Variants in RNF150 observed in about 807,000 individuals in gnomAD.
RNF150 encodes ring finger protein 150.
Under a neutral mutation model 39.3 loss-of-function variants are expected in RNF150, and 24 were observed. The observed-to-expected ratio is 0.61, with a 90% CI of 0.44 to 0.86. RNF150 has a LOEUF of 0.86. Ranked by LOEUF, RNF150 falls within the 40% of genes least tolerant of loss-of-function variation. RNF150 has a pLI of 0.00. For missense variants in RNF150, 502 were observed against 587.8 expected (o/e 0.85, Z 1.51); for synonymous variants, 255 against 227.3 (o/e 1.12, Z -1.10).
chr4:141,194,663 G>A (rs1728168796), intron 1 of RNF150, among the ~76,000 whole-genome samples: 2 of 152,076 alleles, frequency 1.3e-5, no homozygotes, highest in African/African-American at 4.8e-5. Flanking sequence ...AGAGTACCAG[G>A]CCCATAACCT....
intron 1 of RNF150, among the ~76,000 whole-genome samples, chr4:141,195,078 C>T (rs1441484468): frequency 1.3e-5 from 2 of 150,952 alleles, no homozygotes; most frequent in Non-Finnish European, 2.9e-5. Flanking sequence ...TACACTTTCC[C>T]CTACACATCC....
At chr4:141,058,192 T>C (rs1248077328) in intron 1 of RNF150, among the ~76,000 whole-genome samples, 1 of 152,136 alleles carries the variant, frequency 6.6e-6, no homozygotes, top group African/African-American at 2.4e-5. Context: ...AAACCTTTAA[T>C]AATATGTTGC....
chr4:141,171,460 AAG>A (rs67118049), intron 1 of RNF150, among the ~76,000 whole-genome samples: 48,214 of 148,696 alleles, frequency 0.32, 9,046 homozygotes, highest in Non-Finnish European at 0.43. Flanking sequence ...GACAGACAGA[AAG>A]AGAGAGAGAG....
At position 140,916,585 on chromosome 4, in the gene RNF150, CG is replaced by C. The variant is rs535450565; in HGVS notation, c.988-5232del. 7.0e-3 allele frequency among the ~76,000 whole-genome samples: 1,062 copies of C among 152,260 alleles called. 10 individuals are homozygous for C. The highest frequency in any genetic ancestry group is 0.024 in the African/African-American group (1,004 of 41,548). ...GTCTAATTGGTGTACCTGAAAGTGA[CG>C]GGGAGAATGGAATCAAGTTGGAAAA... On this transcript the variant is annotated intron_variant, in intron 5 of 6. Transcript: ENST00000515673.
At chr4:141,161,538 A>G (rs1441698145) in intron 1 of RNF150, among the ~76,000 whole-genome samples, 5 of 152,230 alleles carry the variant, frequency 3.3e-5, no homozygotes, top group Non-Finnish European at 7.3e-5. Flanking sequence ...GTGTAACTAA[A>G]AGGACAGCAA....
chr4:141,074,579 G>A (rs1049987428), intron 1 of RNF150, among the ~76,000 whole-genome samples: 8 of 152,072 alleles, frequency 5.3e-5, no homozygotes, highest in African/African-American at 1.7e-4. Context: ...AAAGGAAGGG[G>A]TATGGTACTA....
intron 1 of RNF150, among the ~76,000 whole-genome samples, chr4:141,010,950 A>C (rs1299696647): frequency 1.3e-5 from 2 of 152,180 alleles, no homozygotes; most frequent in African/African-American, 4.8e-5. Flanking sequence ...CTCTTGCCTG[A>C]GTCTAAGAGT....
chr4:140,989,808 CT>C (rs1734135111), intron 1 of RNF150, among the ~76,000 whole-genome samples: 1 of 151,858 alleles, frequency 6.6e-6, no homozygotes, highest in Non-Finnish European at 1.5e-5. Flanking sequence ...CAGTCTGGCT[CT>C]GAAGATGATA....
rs199865312 is a variant in RNF150 at position 140,914,908 on chromosome 4, G to C, written c.988-3554C>G. On this transcript the variant is annotated intron_variant, in intron 5 of 6. Transcript: ENST00000515673. ...TCAGTTTCTGACTTTCGATGTATTTGTCTTATACCATGGGTAGATACAAGG... is the reference window on the plus strand; with the variant it reads ...TCAGTTTCTGACTTTCGATGTATTTCTCTTATACCATGGGTAGATACAAGG... Among the ~76,000 whole-genome samples, 14 of 152,238 alleles carry C rather than the reference G, an allele frequency of 9.2e-5. No individual in the cohort carries two copies. The East Asian group carries it at 2.7e-3, about 29-fold the overall frequency.
chr4:140,913,477 A>T (rs1730697465), intron 5 of RNF150, among the ~76,000 whole-genome samples: 1 of 152,132 alleles, frequency 6.6e-6, no homozygotes. Context: ...GCTCAGGATG[A>T]CATTTGATCC....
chr4:140,953,689 A>T (rs2111386507), intron 2 of RNF150, among the ~76,000 whole-genome samples: 1 of 152,300 alleles, frequency 6.6e-6, no homozygotes, highest in Admixed American at 6.5e-5. Flanking sequence ...GACCCCATTA[A>T]AAAAATTACA....
At chr4:141,022,449 T>C (rs903303290) in intron 1 of RNF150, among the ~76,000 whole-genome samples, 2 of 152,186 alleles carry the variant, frequency 1.3e-5, no homozygotes, top group African/African-American at 2.4e-5. Context: ...AATGGCTTTG[T>C]ACAGATGGGA....
At chr4:141,042,978 T>A (rs1166498309) in intron 1 of RNF150, among the ~76,000 whole-genome samples, 2 of 152,142 alleles carry the variant, frequency 1.3e-5, no homozygotes, top group Non-Finnish European at 2.9e-5. Flanking sequence ...ACCTAATACT[T>A]CAGGGAAAAC....
chr4:140,999,995 A>C lies in RNF150; in HGVS notation c.485-32122T>G, dbSNP rs1291585633. Among the ~76,000 whole-genome samples the C allele has an allele frequency of 1.3e-4, 5 of 38,522 alleles. 1 individual carries two copies. In the Admixed American group the frequency reaches 1.3e-3, roughly 10 times the overall value. The allele number at this position is 38,522 out of a possible 152,430, so 25.3% of individuals were successfully genotyped here. On this transcript the variant is annotated intron_variant, in intron 1 of 6. Coordinates refer to ENST00000515673, the MANE Select transcript of RNF150 (RefSeq NM_020724.2). ...AAGAAGAAAAGAAGAAAAGAAGAAA[A>C]GAAGAAGAAGAAGAAGAAGAAGAAG...
At chr4:140,949,102 C>T (rs937772997) in intron 3 of RNF150, among the ~76,000 whole-genome samples, 199 bp downstream of exon 3, 1 of 152,166 alleles carries the variant, frequency 6.6e-6, no homozygotes, top group African/African-American at 2.4e-5. Flanking sequence ...TTCTATACAA[C>T]TATTTTATTA....
chr4:141,027,304 T>C (rs748180225), intron 1 of RNF150, among the ~76,000 whole-genome samples: 1 of 152,246 alleles, frequency 6.6e-6, no homozygotes, highest in African/African-American at 2.4e-5. Flanking sequence ...CTGGAATGCA[T>C]GATTTAGGAT....
At chr4:141,123,886 CTTTT>C (rs1279242405) in intron 1 of RNF150, among the ~76,000 whole-genome samples, 7 of 152,114 alleles carry the variant, frequency 4.6e-5, no homozygotes, top group Non-Finnish European at 2.9e-5. Context: ...AGAACTCATC[CTTTT>C]TTATGGCTGC....
chr4:141,163,152 C>A (rs531687320), intron 1 of RNF150, among the ~76,000 whole-genome samples: 3 of 152,220 alleles, frequency 2.0e-5, no homozygotes, highest in African/African-American at 7.2e-5. Flanking sequence ...CTTGAGTAGG[C>A]GGTTTTCCCC....
chr4:141,186,260 A>G (rs745742992), intron 1 of RNF150, among the ~76,000 whole-genome samples: 31 of 152,100 alleles, frequency 2.0e-4, no homozygotes, highest in Non-Finnish European at 3.8e-4. Flanking sequence ...TAATCTTGAG[A>G]AGGTGTATGT....
Sources: gnomAD v4.1 joint callset for allele counts (sites outside exome capture counted in the v4.1 genomes callset) on GRCh38, gnomAD v4.1.1 for gene constraint, MANE v1.5 for transcripts, NCBI Gene and HGNC (gene_info 2026-07-23, HGNC 2026-07-21) for gene names.